Variants in PCDH15 observed in about 807,000 individuals in gnomAD.
PCDH15 encodes the protein protocadherin-15.
PCDH15 carries 129 observed loss-of-function variants against 178.5 expected under a neutral mutation model. The ratio of observed to expected loss-of-function variants is 0.72; its 90% CI spans 0.63 to 0.84. PCDH15 has a LOEUF of 0.84. Among genes scored for constraint, PCDH15 ranks in the 40% least tolerant of loss-of-function variants. PCDH15 has a pLI of 0.00. For synonymous variants in PCDH15, 800 were observed against 732.0 expected (o/e 1.09, Z -1.50); for missense variants, 2,230 against 2,099.9 (o/e 1.06, Z -1.21).
intron 3 of PCDH15, chr10:54,486,330 C>G (rs1261351525): frequency 6.6e-6 from 1 of 151,966 alleles, no homozygotes; most frequent in Non-Finnish European, 1.5e-5. Flanking sequence ...AGATTTAGAA[C>G]TAAGCATATA....
At chr10:54,337,066 G>A (rs563047080) in intron 6 of PCDH15, among the ~76,000 whole-genome samples, 2 of 151,756 alleles carry the variant, frequency 1.3e-5, no homozygotes, top group East Asian at 3.9e-4. Flanking sequence ...ACTTGTATAG[G>A]GCCTTTAGAC....
chr10:54,459,014 T>C (rs1450281203), intron 3 of PCDH15, among the ~76,000 whole-genome samples: 1 of 152,126 alleles, frequency 6.6e-6, no homozygotes, highest in Non-Finnish European at 1.5e-5. Flanking sequence ...CTTCTCCCCA[T>C]GTCTGCGTGG....
At chr10:54,518,225 A>ACC (rs1470526639) in intron 3 of PCDH15, among the ~76,000 whole-genome samples, 1 of 151,950 alleles carries the variant, frequency 6.6e-6, no homozygotes, top group East Asian at 1.9e-4. Flanking sequence ...GCAGAACTGA[A>ACC]GGAAATAGAG....
intron 13 of PCDH15, among the ~76,000 whole-genome samples, chr10:54,182,118 C>T (rs532750455): frequency 1.1e-4 from 17 of 152,178 alleles, no homozygotes; most frequent in African/African-American, 3.4e-4. Context: ...CCGCCACGTC[C>T]GGCTAATTTT....
At chr10:54,685,479 T>C (rs2094980111) in intron 1 of PCDH15, among the ~76,000 whole-genome samples, 1 of 152,158 alleles carries the variant, frequency 6.6e-6, no homozygotes, top group Admixed American at 6.6e-5. Context: ...GAGATGATGT[T>C]ACAAGGGCTA....
chr10:53,972,465 G>T (rs1175243650), intron 21 of PCDH15, among the ~76,000 whole-genome samples: 2 of 152,258 alleles, frequency 1.3e-5, no homozygotes, highest in Admixed American at 1.3e-4. Context: ...AAGAGCTTCT[G>T]CACAGCAAAA....
chr10:54,987,718 T>C (rs1177568498), intron 2 of PCDH15, among the ~76,000 whole-genome samples: 1 of 151,432 alleles, frequency 6.6e-6, no homozygotes, highest in Admixed American at 6.6e-5. Context: ...TTTTTTTTTT[T>C]CTTGTACATT....
intron 1 of PCDH15, among the ~76,000 whole-genome samples, chr10:55,298,732 C>T (rs959929262): frequency 2.6e-5 from 4 of 152,086 alleles, no homozygotes; most frequent in Non-Finnish European, 4.4e-5. Flanking sequence ...CAGCGTGTGC[C>T]ACCACACCTA....
intron 2 of PCDH15, among the ~76,000 whole-genome samples, chr10:55,382,885 A>C (rs1837570994): frequency 6.6e-6 from 1 of 152,320 alleles, no homozygotes; most frequent in South Asian, 2.1e-4. Flanking sequence ...GGGCTAGGGC[A>C]AGCACTTTTG....
chr10:54,158,982 C>T (rs950721389), intron 13 of PCDH15, among the ~76,000 whole-genome samples: 5 of 151,574 alleles, frequency 3.3e-5, no homozygotes, highest in Non-Finnish European at 5.9e-5. Flanking sequence ...GTGGCGAGCA[C>T]ATGTAGTCCC....
At chr10:55,205,184 A>T (rs2132163359) in intron 1 of PCDH15, among the ~76,000 whole-genome samples, 1 of 152,190 alleles carries the variant, frequency 6.6e-6, no homozygotes, top group South Asian at 2.1e-4. Context: ...CACTTACGTA[A>T]GTTACAATAA....
At chr10:55,534,318 G>A (rs1841523594) in intron 2 of PCDH15, among the ~76,000 whole-genome samples, 1 of 151,836 alleles carries the variant, frequency 6.6e-6, no homozygotes, top group Non-Finnish European at 1.5e-5. Context: ...TCACACGCTA[G>A]GCACCTGACA....
At chr10:54,361,759 T>A (rs953621347) in intron 5 of PCDH15, among the ~76,000 whole-genome samples, 13 of 152,056 alleles carry the variant, frequency 8.5e-5, no homozygotes, top group Non-Finnish European at 1.5e-4. Context: ...TTATTCATAT[T>A]AATGGTCTTA....
At chr10:55,276,394 T>C (rs536158537) in intron 1 of PCDH15, among the ~76,000 whole-genome samples, 2 of 151,378 alleles carry the variant, frequency 1.3e-5, no homozygotes, top group Admixed American at 6.6e-5. Flanking sequence ...GGAATTTTCA[T>C]AGTATTTCTA....
rs1566146509 is a variant in PCDH15, at chr10:54,757,281, T to TCC, written c.-29+43643_-29+43644insGG. Among the ~76,000 whole-genome samples, 48 of 60,264 alleles carry TCC rather than the reference T, an allele frequency of 8.0e-4. 3 individuals are homozygous for TCC. The highest frequency in any genetic ancestry group is 1.2e-3 in the Non-Finnish European group (35 of 28,548). The allele number at this position is 60,264 out of a possible 152,430, so 39.5% of individuals were successfully genotyped here. A position where few individuals can be genotyped will look rare whatever the true frequency, so the allele number is the denominator to read the frequency against. ...TGGCTTGCTCAGAATTCTACCTTTT[T>TCC]TTTTTTTTTTTTTTTTTTTGAGACG... On this transcript the variant is annotated intron_variant, in intron 1 of 37. Coordinates refer to ENST00000644397, the MANE Select transcript of PCDH15 (RefSeq NM_001384140.1).
intron 3 of PCDH15, among the ~76,000 whole-genome samples, chr10:54,384,124 G>A (rs184581774): frequency 6.6e-6 from 1 of 151,552 alleles, no homozygotes; most frequent in African/African-American, 2.4e-5. Context: ...GTGAGCTACT[G>A]CATCCAGCCA....
At chr10:55,284,812 C>T (rs1842825529) in intron 1 of PCDH15, among the ~76,000 whole-genome samples, 1 of 151,860 alleles carries the variant, frequency 6.6e-6, no homozygotes, top group South Asian at 2.1e-4. Flanking sequence ...ACAAGAGCAT[C>T]AGAAATGAAT....
intron 2 of PCDH15, among the ~76,000 whole-genome samples, chr10:55,586,352 A>T (rs1220410663): frequency 6.6e-6 from 1 of 152,028 alleles, no homozygotes; most frequent in Admixed American, 6.6e-5. Context: ...TTGATTAAAG[A>T]CCAAATGCCT....
intron 2 of PCDH15, among the ~76,000 whole-genome samples, chr10:55,093,555 T>C (rs971655994): frequency 2.8e-5 from 3 of 106,296 alleles, no homozygotes; most frequent in Middle Eastern, 4.6e-3. Context: ...TCCTTGCCCA[T>C]GCCTATGTCC....
Sources: allele counts gnomAD v4.1 joint callset (sites outside exome capture counted in the v4.1 genomes callset), GRCh38; gene constraint gnomAD v4.1.1; transcripts MANE v1.5; gene names NCBI Gene and HGNC (gene_info 2026-07-23, HGNC 2026-07-21).